C13orf42: variants seen among roughly 807,000 people sequenced by gnomAD.
The protein encoded by C13orf42 is uncharacterized protein C13orf42.
chr13:51,133,700 G>A (rs1363403096), intron 1 of C13orf42, among the ~76,000 whole-genome samples: 1 of 152,218 alleles, frequency 6.6e-6, no homozygotes, highest in Non-Finnish European at 1.5e-5. Flanking sequence ...TCTGAGCACT[G>A]TTCTGTGTGC....
At chr13:51,086,500 G>C (rs1290017626) in intron 2 of C13orf42, among the ~76,000 whole-genome samples, 1 of 150,912 alleles carries the variant, frequency 6.6e-6, no homozygotes, top group Non-Finnish European at 1.5e-5. Flanking sequence ...GAGAGTGTGT[G>C]TGTGAGAGAG....
At chr13:51,102,011 G>C (rs9596451) in intron 1 of C13orf42, among the ~76,000 whole-genome samples, 5,994 of 152,254 alleles carry the variant, frequency 0.039, 359 homozygotes, top group African/African-American at 0.13. Flanking sequence ...TTGACTGAGA[G>C]GGACTGCAGG....
At chr13:51,151,457 C>T (rs549626659) in intron 1 of C13orf42, among the ~76,000 whole-genome samples, 1 of 152,314 alleles carries the variant, frequency 6.6e-6, no homozygotes, top group East Asian at 1.9e-4. Flanking sequence ...CTGAACCCTG[C>T]GGACACCTTG....
At chr13:51,101,528 G>C (rs7991099) in intron 1 of C13orf42, among the ~76,000 whole-genome samples, 6,605 of 152,016 alleles carry the variant, frequency 0.043, 253 homozygotes, top group African/African-American at 0.11. Context: ...AAAAGAAAAG[G>C]CATCAAAACC....
At chr13:51,135,160 C>G (rs1953648001) in intron 1 of C13orf42, among the ~76,000 whole-genome samples, 1 of 152,216 alleles carries the variant, frequency 6.6e-6, no homozygotes, top group African/African-American at 2.4e-5. Flanking sequence ...AGACTGCCCA[C>G]AGCTGCTCAG....
At chr13:51,093,570 T>A (rs998837556) in intron 1 of C13orf42, among the ~76,000 whole-genome samples, 7 of 152,214 alleles carry the variant, frequency 4.6e-5, no homozygotes, top group Non-Finnish European at 1.0e-4. Context: ...CAGATTTAAT[T>A]TTTTAAATAA....
intron 1 of C13orf42, among the ~76,000 whole-genome samples, chr13:51,128,417 G>A (rs1447374070): frequency 6.6e-6 from 1 of 152,150 alleles, no homozygotes; most frequent in Non-Finnish European, 1.5e-5. Context: ...GGAAATAGAC[G>A]GCAGCACTGA....
chr13:51,146,422 G>A (rs1168769846), intron 1 of C13orf42, among the ~76,000 whole-genome samples: 7 of 152,098 alleles, frequency 4.6e-5, no homozygotes, highest in African/African-American at 9.7e-5. Context: ...TCGAATATCC[G>A]AGACAGCTGT....
chr13:51,160,248 C>T (rs762563473), intron 1 of C13orf42, among the ~76,000 whole-genome samples: 14 of 152,220 alleles, frequency 9.2e-5, no homozygotes, highest in Non-Finnish European at 1.8e-4. Flanking sequence ...AATGGTGGCT[C>T]ACGCCTGGAA....
intron 1 of C13orf42, among the ~76,000 whole-genome samples, chr13:51,155,328 T>C (rs971732979): frequency 6.6e-6 from 1 of 152,198 alleles, no homozygotes; most frequent in Admixed American, 6.5e-5. Flanking sequence ...AAGATACAAG[T>C]AAGTCCATGG....
In C13orf42 at chr13:51,160,244, G is replaced by A. The variant is rs574130656; in HGVS notation, n.136+12009C>T. On this transcript the variant is annotated intron_variant and non_coding_transcript_variant, in intron 1 of 4. Coordinates refer to the C13orf42 transcript ENST00000433280. The stretch of plus-strand genomic sequence containing the variant: ...ATTTGATTTGTGGGACGAGAATGGT[G>A]GCTCACGCCTGGAATCCCAGCATTT... Among the ~76,000 whole-genome samples the A allele has an allele frequency of 2.4e-4, 36 of 152,350 alleles. No homozygotes were observed. In the South Asian group the frequency reaches 4.4e-3, roughly 18 times the overall value.
chr13:51,088,484 G>A lies in C13orf42; in HGVS notation c.415-409C>T, dbSNP rs540043129. Among the ~76,000 whole-genome samples the A allele has an allele frequency of 2.0e-5, 3 of 152,192 alleles. No homozygotes were observed. In the South Asian group the frequency reaches 6.2e-4, roughly 32 times the overall value. On this transcript the variant is annotated intron_variant, in intron 1 of 3. Transcript: ENST00000563710. ...ATAGATCTCCAGATATGTTGAAAAT[G>A]CTCTAACAGTTGTCAGTTTCTATAA... is the stretch of plus-strand genomic sequence containing the variant.
chr13:51,142,148 T>A (rs1240302401), intron 1 of C13orf42, among the ~76,000 whole-genome samples: 1 of 152,242 alleles, frequency 6.6e-6, no homozygotes, highest in Non-Finnish European at 1.5e-5. Context: ...TTAGTAATAT[T>A]ACCATAGCTT....
Position 51,137,206 on chromosome 13 carries a change from A to G in C13orf42, n.137-23984T>C, listed in dbSNP as rs139780951. On this transcript the variant is annotated intron_variant and non_coding_transcript_variant, in intron 1 of 4. Transcript: ENST00000433280. ...ATTGATAAACAGTACATATGTTTATATAGATTAACCAAAATTGCACACTAT... is the reference window on the plus strand; with the variant it reads ...ATTGATAAACAGTACATATGTTTATGTAGATTAACCAAAATTGCACACTAT... 3.0e-3 allele frequency among the ~76,000 whole-genome samples: 462 copies of G among 152,378 alleles called. 3 individuals carry two copies. Among genetic ancestry groups the G allele is most frequent in the African/African-American group, 0.011 (445 of 41,592 alleles).
At chr13:51,170,367 T>C (rs1593561825) in intron 1 of C13orf42, among the ~76,000 whole-genome samples, 3 of 152,190 alleles carry the variant, frequency 2.0e-5, no homozygotes, top group Admixed American at 2.0e-4. Context: ...ATCAATCCCC[T>C]GTCCTCCTGC....
At chr13:51,114,635 GATAGATAGAT>G (rs1566130283), upstream of C13orf42, among the ~76,000 whole-genome samples, 210 of 102,214 alleles carry the variant, frequency 2.1e-3, no homozygotes, top group African/African-American at 5.7e-3. Context: ...TAGATAGATA[GATAGATAGAT>G]AGAGATAGAC....
chr13:51,152,499 C>T (rs1451532920), intron 1 of C13orf42, among the ~76,000 whole-genome samples: 2 of 152,178 alleles, frequency 1.3e-5, no homozygotes, highest in Admixed American at 1.3e-4. Flanking sequence ...CAGGTGCATG[C>T]CACCATACCT....
intron 1 of C13orf42, among the ~76,000 whole-genome samples, chr13:51,117,103 C>T (rs143361075): frequency 1.3e-4 from 20 of 152,300 alleles, no homozygotes; most frequent in African/African-American, 4.8e-4. Context: ...TAGTAGACTG[C>T]CACATTTCCT....
chr13:51,154,493 T>C (rs976440198), intron 1 of C13orf42, among the ~76,000 whole-genome samples: 2 of 152,188 alleles, frequency 1.3e-5, no homozygotes, highest in African/African-American at 2.4e-5. Context: ...CGGAGGACTG[T>C]TCTGCTTCAG....
Sources: gnomAD v4.1 joint callset for allele counts (sites outside exome capture counted in the v4.1 genomes callset) on GRCh38, gnomAD v4.1.1 for gene constraint, MANE v1.5 for transcripts, NCBI Gene and HGNC (gene_info 2026-07-23, HGNC 2026-07-21) for gene names.